Variants in NTRK3 observed in about 807,000 individuals in gnomAD.
NTRK3 encodes the protein NT-3 growth factor receptor.
A neutral mutation model predicts 91.7 loss-of-function variants in NTRK3; 24 were observed. The observed-to-expected ratio is 0.26, with a 90% CI of 0.19 to 0.37. The LOEUF (loss-of-function observed/expected upper bound fraction) is 0.37, where lower values mean the gene tolerates loss of function less well. NTRK3 is among the 10% of genes least tolerant of loss of function. NTRK3 has a pLI of 1.00. For missense variants in NTRK3, 880 were observed against 1,068.9 expected, an observed-to-expected ratio of 0.82 and a Z score of 2.46; for synonymous variants, 483 against 404.0, an observed-to-expected ratio of 1.20 and a Z score of -2.34.
intron 10 of NTRK3, among the ~76,000 whole-genome samples, chr15:88,130,455 CT>C (rs2151146442): frequency 6.6e-6 from 1 of 152,236 alleles, no homozygotes; most frequent in South Asian, 2.1e-4. Flanking sequence ...AAATATTATA[CT>C]GATTTCTTAC....
At chr15:88,136,419 G>A in intron 8 of NTRK3, 48 bp downstream of exon 8, 11 of 1,613,150 alleles carry the variant, frequency 6.8e-6, no homozygotes, top group Non-Finnish European at 9.3e-6. Context: ...AGACTACAGT[G>A]TGATCACTCC....
In NTRK3 at chr15:87,912,931, A is replaced by AAAAT. The variant is rs1484111389; in HGVS notation, c.2133+16259_2133+16260insATTT. On this transcript the variant is annotated intron_variant, in intron 17 of 18. Coordinates refer to ENST00000394480, the Ensembl canonical transcript of NTRK3. Reference sequence around the variant, plus strand: ...TTCAACTTTTCAAAAAGTAAAAAAAAATATATATATATATATATATATATA... The same window carrying AAAAT: ...TTCAACTTTTCAAAAAGTAAAAAAAAAAATATATATATATATATATATATATATA... 2.8e-3 allele frequency among the ~76,000 whole-genome samples: 103 copies of AAAAT among 36,450 alleles called. 1 individual carries two copies. The highest frequency in any genetic ancestry group is 9.6e-3 in the East Asian group (12 of 1,252). The allele number at this position is 36,450 out of a possible 152,430, so 23.9% of individuals were successfully genotyped here.
chr15:88,183,029 G>T (rs371042684), intron 5 of NTRK3, among the ~76,000 whole-genome samples: 1 of 75,450 alleles, frequency 1.3e-5, no homozygotes, highest in Non-Finnish European at 2.7e-5. Flanking sequence ...CCCGCCCCCC[G>T]CCAGTCCTAA....
chr15:88,205,440 G>A (rs2048661229), intron 3 of NTRK3, among the ~76,000 whole-genome samples: 1 of 152,156 alleles, frequency 6.6e-6, no homozygotes, highest in African/African-American at 2.4e-5. Flanking sequence ...CAAGAGCCCA[G>A]CATGGCAGCG....
chr15:87,891,747 TTTGA>T (rs892886794), intron 17 of NTRK3, among the ~76,000 whole-genome samples: 6 of 152,164 alleles, frequency 3.9e-5, no homozygotes, highest in South Asian at 2.1e-4. Context: ...TAATAGGCAC[TTTGA>T]TTGTTTCCAG....
At chr15:87,971,306 G>T (rs2073235002) in intron 14 of NTRK3, among the ~76,000 whole-genome samples, 1 of 152,126 alleles carries the variant, frequency 6.6e-6, no homozygotes. Flanking sequence ...CCGGTTGGGG[G>T]CAACCAGAGA....
chr15:88,114,729 T>C (rs934025102), intron 13 of NTRK3, among the ~76,000 whole-genome samples: 1 of 152,226 alleles, frequency 6.6e-6, no homozygotes, highest in East Asian at 1.9e-4. Flanking sequence ...CTCTAAGTAA[T>C]GGTTATCCCA....
intron 13 of NTRK3, among the ~76,000 whole-genome samples, chr15:88,081,934 C>G (rs2048081959): frequency 6.6e-6 from 1 of 152,164 alleles, no homozygotes; most frequent in Non-Finnish European, 1.5e-5. Flanking sequence ...CTTTTTCTTT[C>G]CAAGGGCAAC....
intron 6 of NTRK3, among the ~76,000 whole-genome samples, chr15:88,140,421 G>A (rs2042280161): frequency 6.6e-6 from 1 of 152,178 alleles, no homozygotes; most frequent in African/African-American, 2.4e-5. Context: ...GCACCCAGAT[G>A]GGGCATCTTT....
intron 10 of NTRK3, among the ~76,000 whole-genome samples, 189 bp from the exon 11 acceptor site, chr15:88,128,923 T>A (rs2053558450): frequency 6.6e-6 from 1 of 152,130 alleles, no homozygotes; most frequent in African/African-American, 2.4e-5. Context: ...GGGGTGGTCC[T>A]CCAAATGGAG....
chr15:88,207,571 G>T, intron 3 of NTRK3, among the ~76,000 whole-genome samples: 1 of 152,174 alleles, frequency 6.6e-6, no homozygotes, highest in East Asian at 1.9e-4. Context: ...AGTATATTAG[G>T]GGGACAAGAG....
chr15:88,106,052 C>G (rs536387160), intron 13 of NTRK3, among the ~76,000 whole-genome samples: 2 of 152,210 alleles, frequency 1.3e-5, no homozygotes, highest in Admixed American at 6.5e-5. Context: ...TGTATGTGTG[C>G]GTATGTTCAA....
chr15:87,949,889 G>A lies in NTRK3; in HGVS notation c.1586-9136C>T, dbSNP rs76968410. 5.9e-3 allele frequency among the ~76,000 whole-genome samples: 901 copies of A among 152,288 alleles called. 16 individuals carry two copies. Among genetic ancestry groups the A allele is most frequent in the East Asian group, 0.032 (168 of 5,170 alleles). ...TTAGGTGCTGAAAGATGAATCTCAGGCTCCGACTGAGAATGTGTCCCTCTG... is the reference window on the plus strand; with the variant it reads ...TTAGGTGCTGAAAGATGAATCTCAGACTCCGACTGAGAATGTGTCCCTCTG... On this transcript the variant is annotated intron_variant, in intron 14 of 18. Transcript: ENST00000394480.
At chr15:88,195,770 A>C (rs1024137130) in intron 3 of NTRK3, among the ~76,000 whole-genome samples, 1 of 152,192 alleles carries the variant, frequency 6.6e-6, no homozygotes, top group African/African-American at 2.4e-5. Flanking sequence ...TTACTCCCCA[A>C]GGGGTCTTGG....
At chr15:88,127,745 C>A (rs930011423) in intron 11 of NTRK3, among the ~76,000 whole-genome samples, 12 of 152,182 alleles carry the variant, frequency 7.9e-5, no homozygotes, top group Non-Finnish European at 1.3e-4. Context: ...CATCAATCAG[C>A]CCACTATCCA....
At position 88,255,958 on chromosome 15, in the gene NTRK3, T is replaced by G. The variant is rs2054018806; in HGVS notation, c.196A>C (p.Asn66His). The change falls in exon 3 of 19, where the codon AAT becomes CAT. Residue 66 changes from asparagine to histidine, a missense_variant. Asn to His is a moderately conservative substitution (Grantham distance 68). Transcript: ENST00000394480. The surrounding 1 kb of genome is among the most constrained non-coding windows in gnomAD (Gnocchi z 4.3). ...GTGATGTTGATACTGGCGTTCCCAT[T>G]GCTGTTCCCTGAATCCTGCCCTTCC... The G allele has an allele frequency of 6.2e-7, 1 of 1,612,992 alleles. No individual in the cohort carries two copies.
intron 3 of NTRK3, among the ~76,000 whole-genome samples, chr15:88,207,830 C>A (rs1211926970): frequency 6.6e-6 from 1 of 152,196 alleles, no homozygotes; most frequent in African/African-American, 2.4e-5. Context: ...GGCAGAGATG[C>A]AATCAGATGT....
intron 15 of NTRK3, among the ~76,000 whole-genome samples, chr15:87,934,058 G>A (rs2069045442): frequency 6.6e-6 from 1 of 152,214 alleles, no homozygotes; most frequent in African/African-American, 2.4e-5. Context: ...CCCAGCACCA[G>A]AAGGGGACTA....
intron 14 of NTRK3, among the ~76,000 whole-genome samples, chr15:88,008,514 A>G (rs1362405544): frequency 6.6e-6 from 1 of 152,082 alleles, no homozygotes; most frequent in Non-Finnish European, 1.5e-5. Flanking sequence ...CCTAGGACAC[A>G]GTGGTTTCTA....
Sources: gnomAD v4.1 joint callset for allele counts (sites outside exome capture counted in the v4.1 genomes callset) on GRCh38, gnomAD v4.1.1 for gene constraint, Gnocchi (gnomAD v3.1) non-coding constraint, MANE v1.5 for transcripts, NCBI Gene and HGNC (gene_info 2026-07-23, HGNC 2026-07-21) for gene names.